The following ATRNL1 variants were observed in gnomAD, a reference collection of about 807,000 sequenced individuals.
The protein encoded by ATRNL1 is attractin-like protein 1.
A neutral mutation model predicts 182.7 loss-of-function variants in ATRNL1; 95 were observed. The observed-to-expected ratio is 0.52, with a 90% CI of 0.44 to 0.62. The LOEUF (loss-of-function observed/expected upper bound fraction) is 0.62, where lower values mean the gene tolerates loss of function less well. ATRNL1 is among the 20% of genes least tolerant of loss of function. The pLI is 0.00. For missense variants in ATRNL1, 1,471 were observed against 1,679.5 expected, an observed-to-expected ratio of 0.88 and a Z score of 2.17; for synonymous variants, 576 against 568.3, an observed-to-expected ratio of 1.01 and a Z score of -0.19.
intron 19 of ATRNL1, among the ~76,000 whole-genome samples, chr10:115,394,215 GTTA>G (rs1844174934): frequency 6.6e-6 from 1 of 151,962 alleles, no homozygotes. Context: ...GCTAAGTGCT[GTTA>G]TTCTTCTTTT....
chr10:115,550,519 T>G (rs1426342907), intron 26 of ATRNL1, among the ~76,000 whole-genome samples: 1 of 151,854 alleles, frequency 6.6e-6, no homozygotes, highest in Non-Finnish European at 1.5e-5. Context: ...TATAATATAT[T>G]TGCAAACTGG....
chr10:115,274,367 A>T (rs968977426), intron 13 of ATRNL1, among the ~76,000 whole-genome samples: 1 of 152,168 alleles, frequency 6.6e-6, no homozygotes, highest in African/African-American at 2.4e-5. Flanking sequence ...CCTATTAGAC[A>T]TTCTCCCTCT....
intron 21 of ATRNL1, among the ~76,000 whole-genome samples, chr10:115,445,165 A>G (rs1282815433): frequency 6.6e-6 from 1 of 151,370 alleles, no homozygotes; most frequent in Non-Finnish European, 1.5e-5. Flanking sequence ...AAAATGGCTT[A>G]TGCCTGTAAT....
chr10:115,843,922 C>G (rs1950869008), intron 27 of ATRNL1, among the ~76,000 whole-genome samples: 1 of 152,074 alleles, frequency 6.6e-6, no homozygotes, highest in Non-Finnish European at 1.5e-5. Flanking sequence ...GTTATGCCAC[C>G]TATTAGGTCT....
intron 20 of ATRNL1, among the ~76,000 whole-genome samples, chr10:115,425,663 T>G (rs1845850582): frequency 6.6e-6 from 1 of 152,084 alleles, no homozygotes; most frequent in Non-Finnish European, 1.5e-5. Context: ...AATTCAAAGT[T>G]TGAGCTCCTG....
At chr10:115,517,637 C>A (rs1175964370) in intron 24 of ATRNL1, among the ~76,000 whole-genome samples, 1 of 151,570 alleles carries the variant, frequency 6.6e-6, no homozygotes, top group Non-Finnish European at 1.5e-5. Context: ...TCCTTATGCC[C>A]CCTTTTCATT....
chr10:115,276,331 C>T (rs117933622), intron 13 of ATRNL1, among the ~76,000 whole-genome samples: 1,950 of 152,252 alleles, frequency 0.013, 113 homozygotes, highest in Admixed American at 0.1. Context: ...CAGTCCATGA[C>T]AGACATTTAC....
intron 3 of ATRNL1, among the ~76,000 whole-genome samples, chr10:115,124,108 G>A (rs1036344128): frequency 4.0e-5 from 6 of 151,852 alleles, no homozygotes; most frequent in East Asian, 1.9e-4. Context: ...ATCCTCCCCC[G>A]GTCTGTGGAA....
chr10:115,687,950 C>T (rs1313834759), intron 26 of ATRNL1, among the ~76,000 whole-genome samples: 1 of 152,052 alleles, frequency 6.6e-6, no homozygotes, highest in Non-Finnish European at 1.5e-5. Flanking sequence ...ATCAGTCTCT[C>T]TTCATTCACT....
At chr10:115,920,303 T>C (rs561414605) in intron 28 of ATRNL1, among the ~76,000 whole-genome samples, 5 of 152,330 alleles carry the variant, frequency 3.3e-5, no homozygotes, top group African/African-American at 1.2e-4. Flanking sequence ...TCTGATCTTA[T>C]CAGGCACGTG....
intron 19 of ATRNL1, among the ~76,000 whole-genome samples, chr10:115,361,616 C>T (rs1301410188): frequency 6.6e-6 from 1 of 152,018 alleles, no homozygotes; most frequent in East Asian, 1.9e-4. Context: ...TTTAAAAATG[C>T]AATAACATTC....
Position 115,587,365 on chromosome 10 carries a change from C to T in ATRNL1, c.3795+37829C>T, listed in dbSNP as rs142677566. On this transcript the variant is annotated intron_variant, in intron 26 of 28. Coordinates refer to ENST00000355044, the MANE Select transcript of ATRNL1 (RefSeq NM_207303.4). ...GGGCGCCCCTCCCCCAGCCTCGCTGCCGCCTTGCAGTTTGATCTCAGACTG... is the reference window on the plus strand; with the variant it reads ...GGGCGCCCCTCCCCCAGCCTCGCTGTCGCCTTGCAGTTTGATCTCAGACTG... Among the ~76,000 whole-genome samples the T allele has an allele frequency of 3.3e-5, 5 of 151,532 alleles. 1 individual carries two copies. Among genetic ancestry groups the T allele is most frequent in the African/African-American group, 1.2e-4 (5 of 41,448 alleles).
rs530621211 is a variant in ATRNL1, at chr10:115,712,798, A to C, written c.3796-14450A>C. On this transcript the variant is annotated intron_variant, in intron 26 of 28. Coordinates refer to ENST00000355044, the MANE Select transcript of ATRNL1 (RefSeq NM_207303.4). ...CACGATGATCGCTTGAACCCAGGAGACGGAGGTTGCAGTGAGCCAAGATTG... is the reference window on the plus strand; with the variant it reads ...CACGATGATCGCTTGAACCCAGGAGCCGGAGGTTGCAGTGAGCCAAGATTG... 2.6e-4 allele frequency among the ~76,000 whole-genome samples: 39 copies of C among 151,684 alleles called. No homozygotes were observed. In the South Asian group the frequency reaches 7.7e-3, roughly 30 times the overall value.
chr10:115,808,795 T>G (rs1408965225), intron 27 of ATRNL1, among the ~76,000 whole-genome samples: 2 of 152,162 alleles, frequency 1.3e-5, no homozygotes, highest in Non-Finnish European at 2.9e-5. Context: ...TTCATTTGCT[T>G]ATTGACCACT....
intron 5 of ATRNL1, among the ~76,000 whole-genome samples, chr10:115,145,716 C>G (rs1375661649): frequency 6.6e-6 from 1 of 152,126 alleles, no homozygotes; most frequent in African/African-American, 2.4e-5. Flanking sequence ...CATACTAAAT[C>G]ATAAGACTAT....
intron 5 of ATRNL1, among the ~76,000 whole-genome samples, chr10:115,146,479 C>G (rs1390539822): frequency 6.6e-6 from 1 of 152,066 alleles, no homozygotes; most frequent in African/African-American, 2.4e-5. Flanking sequence ...GGGAGCATTT[C>G]AAGTGCTCTT....
At chr10:115,536,417 G>T (rs1001912367) in intron 25 of ATRNL1, among the ~76,000 whole-genome samples, 20 of 152,348 alleles carry the variant, frequency 1.3e-4, no homozygotes, top group East Asian at 5.8e-4. Flanking sequence ...CTCCGAGCCA[G>T]GTGTGGGATA....
intron 3 of ATRNL1, 42 bp from the exon 4 acceptor site, chr10:115,127,551 T>G (rs201248487): frequency 6.5e-7 from 1 of 1,533,038 alleles, no homozygotes; most frequent in Non-Finnish European, 8.9e-7. Flanking sequence ...AACAGTCTTA[T>G]GTATATCTAT....
At chr10:115,361,596 T>C (rs1856751680) in intron 19 of ATRNL1, among the ~76,000 whole-genome samples, 1 of 152,082 alleles carries the variant, frequency 6.6e-6, no homozygotes, top group East Asian at 1.9e-4. Context: ...TTCTTCCTTC[T>C]TCACAATCCT....
Sources: allele counts gnomAD v4.1 joint callset (sites outside exome capture counted in the v4.1 genomes callset), GRCh38; gene constraint gnomAD v4.1.1; transcripts MANE v1.5; gene names NCBI Gene and HGNC (gene_info 2026-07-23, HGNC 2026-07-21).